The following GABRG3 variants were observed in gnomAD, a reference collection of about 807,000 sequenced individuals.
GABRG3 encodes the protein gamma-aminobutyric acid receptor subunit gamma-3.
In GABRG3, 25 loss-of-function variants were observed where a neutral mutation model predicts 48.8. The ratio of observed to expected loss-of-function variants is 0.51; its 90% CI spans 0.37 to 0.72. The LOEUF is 0.72. GABRG3 is among the 30% of genes least tolerant of loss of function. GABRG3 has a pLI of 0.00. For missense variants in GABRG3, 394 were observed against 577.9 expected (o/e 0.68, Z 3.26); for synonymous variants, 227 against 217.6 (o/e 1.04, Z -0.38).
chr15:27,213,809 T>C (rs918353763), intron 3 of GABRG3, among the ~76,000 whole-genome samples: 1 of 152,210 alleles, frequency 6.6e-6, no homozygotes, highest in Non-Finnish European at 1.5e-5. Context: ...GCCTTCAAAC[T>C]CCACTGCTCC....
At chr15:27,004,146 C>T (rs903010055) in intron 2 of GABRG3, among the ~76,000 whole-genome samples, 2 of 151,324 alleles carry the variant, frequency 1.3e-5, no homozygotes, top group African/African-American at 4.9e-5. Context: ...CACCTCCCTC[C>T]CGGACGGGGT....
chr15:27,324,906 A>G (rs572891119), intron 3 of GABRG3, among the ~76,000 whole-genome samples: 25 of 144,466 alleles, frequency 1.7e-4, no homozygotes, highest in African/African-American at 5.2e-4. Context: ...CCCTTGAGCC[A>G]TATTTGCATA....
chr15:27,467,245 A>C (rs1279051183), intron 5 of GABRG3, among the ~76,000 whole-genome samples: 1 of 152,120 alleles, frequency 6.6e-6, no homozygotes, highest in Admixed American at 6.6e-5. Flanking sequence ...TAATGGCACT[A>C]ATCCCATCCG....
rs138499386 is a variant in GABRG3, at chr15:27,490,739, G to A, written c.712+9952G>A. On this transcript the variant is annotated intron_variant, in intron 6 of 9. Transcript: ENST00000615808. Reference sequence around the variant, plus strand: ...AGACCCCAACTTTCCCTGGACAACAGCACTGCTCTTCGGATGTTGCTCAGT... The same window carrying A: ...AGACCCCAACTTTCCCTGGACAACAACACTGCTCTTCGGATGTTGCTCAGT... Among the ~76,000 whole-genome samples, 1,304 of 152,310 alleles carry A rather than the reference G, an allele frequency of 8.6e-3. 14 individuals carry two copies. Among genetic ancestry groups the A allele is most frequent in the Non-Finnish European group, 0.012 (815 of 68,030 alleles).
intron 4 of GABRG3, among the ~76,000 whole-genome samples, chr15:27,327,859 C>T (rs1234012906): frequency 6.6e-6 from 1 of 152,148 alleles, no homozygotes. Flanking sequence ...CTCTTTCTGC[C>T]TCAGGGCTTG....
intron 3 of GABRG3, among the ~76,000 whole-genome samples, chr15:27,103,483 G>T (rs565616476): frequency 6.6e-6 from 1 of 152,150 alleles, no homozygotes. Flanking sequence ...GCACCAGACC[G>T]TACAGGGTTG....
At chr15:27,492,478 G>A (rs888266328) in intron 6 of GABRG3, among the ~76,000 whole-genome samples, 2 of 152,158 alleles carry the variant, frequency 1.3e-5, no homozygotes, top group Non-Finnish European at 2.9e-5. Flanking sequence ...TGTGGGATCC[G>A]GGGCAAGTCT....
At chr15:27,231,565 G>A (rs961928002) in intron 3 of GABRG3, among the ~76,000 whole-genome samples, 4 of 152,216 alleles carry the variant, frequency 2.6e-5, no homozygotes, top group African/African-American at 9.6e-5. Context: ...TATAATTCAT[G>A]AATGTGGGTT....
chr15:27,490,652 G>A (rs758312527), intron 6 of GABRG3, among the ~76,000 whole-genome samples: 2 of 152,118 alleles, frequency 1.3e-5, no homozygotes, highest in Non-Finnish European at 2.9e-5. Flanking sequence ...ATTTCAGCTG[G>A]TTGTCACTGA....
At position 27,350,047 on chromosome 15, in the gene GABRG3, T is replaced by C. The variant is rs1894506825; in HGVS notation, c.574+21159T>C. On this transcript the variant is annotated intron_variant, in intron 5 of 9. Transcript: ENST00000615808. ...GATTACCAGGTTAGGGTTGCAGTTT[T>C]CCCCTTTATACACACAAAATCTCTA... 8.8e-6 allele frequency: 4 copies of C among 455,204 alleles called. 1 individual carries two copies. Among genetic ancestry groups the C allele is most frequent in the African/African-American group, 2.0e-5 (1 of 50,120 alleles). The allele number at this position is 455,204 out of a possible 1,614,324, so 28.2% of individuals were successfully genotyped here.
chr15:27,510,446 C>T (rs574455264), intron 6 of GABRG3, among the ~76,000 whole-genome samples: 1 of 152,158 alleles, frequency 6.6e-6, no homozygotes. Flanking sequence ...TTTTGTTGCC[C>T]TTCCCCCTGT....
intron 3 of GABRG3, among the ~76,000 whole-genome samples, chr15:27,216,406 T>G: frequency 6.6e-6 from 1 of 152,136 alleles, no homozygotes; most frequent in East Asian, 1.9e-4. Context: ...CAGGGTTCAC[T>G]CTGCAGAGCT....
intron 2 of GABRG3, among the ~76,000 whole-genome samples, chr15:27,001,376 C>T (rs997863084): frequency 6.6e-6 from 1 of 152,166 alleles, no homozygotes; most frequent in African/African-American, 2.4e-5. Flanking sequence ...CACTGAGCAC[C>T]GTCCAGCCAG....
intron 3 of GABRG3, among the ~76,000 whole-genome samples, chr15:27,071,778 G>A (rs376906386): frequency 6.6e-6 from 1 of 152,216 alleles, no homozygotes; most frequent in Non-Finnish European, 1.5e-5. Flanking sequence ...CTGAATTTGG[G>A]TTGTTAAGGT....
At chr15:27,484,455 T>C (rs534087959) in intron 6 of GABRG3, among the ~76,000 whole-genome samples, 1 of 152,230 alleles carries the variant, frequency 6.6e-6, no homozygotes, top group Non-Finnish European at 1.5e-5. Context: ...ATGTTATTAA[T>C]TAAAAAGAAG....
intron 6 of GABRG3, among the ~76,000 whole-genome samples, chr15:27,493,742 G>A (rs1322359917): frequency 6.6e-6 from 1 of 152,168 alleles, no homozygotes; most frequent in Non-Finnish European, 1.5e-5. Flanking sequence ...AGAATCGATA[G>A]TCTCAACACT....
chr15:26,971,753 C>T (rs931589351), intron 1 of GABRG3, among the ~76,000 whole-genome samples, 165 bp downstream of exon 1: 4 of 152,266 alleles, frequency 2.6e-5, no homozygotes, highest in Admixed American at 2.6e-4. Context: ...TGTCCCAGCT[C>T]CCTTGGACAC....
chr15:27,003,675 C>A (rs922155765), intron 2 of GABRG3, among the ~76,000 whole-genome samples: 8 of 152,166 alleles, frequency 5.3e-5, no homozygotes, highest in Non-Finnish European at 7.4e-5. Context: ...CCCCACCTTT[C>A]CCCCCTTTCT....
chr15:27,208,381 CAGGT>C (rs1224327643), intron 3 of GABRG3: 3 of 227,998 alleles, frequency 1.3e-5, no homozygotes, highest in Admixed American at 4.2e-5. Flanking sequence ...CCTTGATGCC[CAGGT>C]AGGTGATGCC....
Sources: gnomAD v4.1 joint callset for allele counts (sites outside exome capture counted in the v4.1 genomes callset) on GRCh38, gnomAD v4.1.1 for gene constraint, MANE v1.5 for transcripts, NCBI Gene and HGNC (gene_info 2026-07-23, HGNC 2026-07-21) for gene names.